Variants in WDFY1 observed in about 807,000 individuals in gnomAD.
WDFY1 encodes the protein WD repeat and FYVE domain-containing protein 1.
Under a neutral mutation model 56.4 loss-of-function variants are expected in WDFY1, and 32 were observed. The ratio of observed to expected loss-of-function variants is 0.57; its 90% CI spans 0.43 to 0.76. WDFY1 has a LOEUF of 0.76. WDFY1 is among the 30% of genes least tolerant of loss of function. The pLI is 0.00. For missense variants in WDFY1, 480 were observed against 545.7 expected (o/e 0.88, Z 1.20); for synonymous variants, 192 against 197.3 (o/e 0.97, Z 0.23).
rs2106066302 is a variant in WDFY1 at position 223,876,149 on chromosome 2, A to G, written c.*2522T>C. The G allele has an allele frequency of 6.5e-6, 1 of 152,672 alleles. No individual in the cohort carries two copies. The highest frequency in any genetic ancestry group is 6.5e-5 in the Admixed American group (1 of 15,274). The allele number at this position is 152,672 out of a possible 1,614,324, so 9.5% of individuals were successfully genotyped here. A position where few individuals can be genotyped will look rare whatever the true frequency, so the allele number is the denominator to read the frequency against. ...AACTTGTTTATAATGAAGAATCGGC[A>G]TTTCCTTACCACATATATACTAGAT... On this transcript the variant is annotated 3_prime_UTR_variant, in exon 12 of 12. Transcript: ENST00000233055.
intron 9 of WDFY1, among the ~76,000 whole-genome samples, chr2:223,883,543 C>T (rs897723537): frequency 1.2e-4 from 18 of 152,166 alleles, no homozygotes; most frequent in African/African-American, 4.3e-4. Context: ...TATTTCAGAG[C>T]TTTATAATGG....
chr2:223,922,438 ACT>A (rs915439231), intron 1 of WDFY1, among the ~76,000 whole-genome samples: 1 of 152,110 alleles, frequency 6.6e-6, no homozygotes, highest in Non-Finnish European at 1.5e-5. Flanking sequence ...CTAAGCATTA[ACT>A]CTGTTCAAGG....
chr2:223,940,032 T>C (rs1349703645), intron 1 of WDFY1, among the ~76,000 whole-genome samples: 1 of 152,202 alleles, frequency 6.6e-6, no homozygotes, highest in Non-Finnish European at 1.5e-5. Flanking sequence ...TGGACCCTAC[T>C]TTAAATGTAA....
chr2:223,891,151 G>A (rs949055970), intron 8 of WDFY1, among the ~76,000 whole-genome samples: 7 of 151,908 alleles, frequency 4.6e-5, no homozygotes, highest in Non-Finnish European at 8.8e-5. Context: ...TGAGGCGGGC[G>A]GATCACTTGA....
chr2:223,913,469 T>C (rs1217764397), intron 2 of WDFY1, among the ~76,000 whole-genome samples: 1 of 152,186 alleles, frequency 6.6e-6, no homozygotes, highest in Non-Finnish European at 1.5e-5. Flanking sequence ...ACAATTAGAA[T>C]TGACTATGAG....
chr2:223,889,534 T>C (rs1693231414), intron 8 of WDFY1, among the ~76,000 whole-genome samples: 1 of 152,172 alleles, frequency 6.6e-6, no homozygotes, highest in Non-Finnish European at 1.5e-5. Flanking sequence ...CAATATCTGA[T>C]GGTTTTACAA....
rs963257424 is a variant in WDFY1 at position 223,875,861 on chromosome 2, T to C, written c.*2810A>G. 3 of 152,136 alleles carry C rather than the reference T, an allele frequency of 2.0e-5. No homozygotes were observed. The highest frequency in any genetic ancestry group is 7.2e-5 in the African/African-American group (3 of 41,430). The allele number at this position is 152,136 out of a possible 1,614,324, so 9.4% of individuals were successfully genotyped here. On this transcript the variant is annotated 3_prime_UTR_variant, in exon 12 of 12. Coordinates refer to ENST00000233055, the MANE Select transcript of WDFY1 (RefSeq NM_020830.5). ...AACGAAAACTGATTTTAGAAAAATA[T>C]CTCCTTGGGTCTGAGCTACTATGGT...
intron 10 of WDFY1, among the ~76,000 whole-genome samples, chr2:223,880,829 AAAG>A (rs1353008763): frequency 6.6e-6 from 1 of 151,868 alleles, no homozygotes; most frequent in Admixed American, 6.6e-5. Flanking sequence ...CTTCAATATA[AAAG>A]AAGAACTGCA....
intron 1 of WDFY1, among the ~76,000 whole-genome samples, chr2:223,942,576 C>T (rs1209526345): frequency 3.9e-5 from 4 of 103,228 alleles, no homozygotes; most frequent in East Asian, 2.6e-4. Flanking sequence ...TCGCCCAGGC[C>T]GGACTGCGGA....
In WDFY1 at chr2:223,912,259, A is replaced by T. The variant is rs778944419; in HGVS notation, c.273T>A (p.Ala91=). Residue 91 remains alanine (A), a synonymous_variant, in exon 3 of 12, where the codon GCT becomes GCA. Coordinates refer to ENST00000233055, the MANE Select transcript of WDFY1 (RefSeq NM_020830.5). ...CATTCTAAAAGCTACCTACCATTAC[A>T]GCTCCATTATCCTGGCCCACAAATA... ...RRIFVGQDNG[A]VMEFHVSEDF... 6.2e-7 allele frequency: 1 copy of T among 1,609,332 alleles called. No homozygotes were observed. Among genetic ancestry groups the T allele is most frequent in the East Asian group, 2.2e-5 (1 of 44,778 alleles).
chr2:223,884,887 C>A (rs1426509699), intron 8 of WDFY1, 138 bp from the exon 9 acceptor site: 5 of 694,520 alleles, frequency 7.2e-6, no homozygotes, highest in Non-Finnish European at 1.2e-5. Context: ...GTCTCCCAGG[C>A]TGGAGTGCAG....
chr2:223,898,849 A>T (rs940216670), intron 6 of WDFY1, 109 bp downstream of exon 6: 2 of 819,266 alleles, frequency 2.4e-6, no homozygotes, highest in African/African-American at 3.4e-5. Flanking sequence ...ATCAAAATGA[A>T]ATCTGACAGA....
At chr2:223,880,604 C>T (rs1427660361) in intron 10 of WDFY1, among the ~76,000 whole-genome samples, 1 of 33,288 alleles carries the variant, frequency 3.0e-5, no homozygotes, top group African/African-American at 9.6e-5. Context: ...AAGACTCAGT[C>T]TCAAAAAAAA....
chr2:223,902,744 G>T (rs1225548604), intron 4 of WDFY1, among the ~76,000 whole-genome samples: 2 of 150,434 alleles, frequency 1.3e-5, no homozygotes, highest in African/African-American at 2.4e-5. Flanking sequence ...TAAGAAAACT[G>T]AAATGCAAAT....
At chr2:223,890,368 TGACC>T (rs1459527091) in intron 8 of WDFY1, among the ~76,000 whole-genome samples, 5 of 152,080 alleles carry the variant, frequency 3.3e-5, no homozygotes, top group Non-Finnish European at 1.5e-5. Context: ...GCTACTCAGG[TGACC>T]GAGGCACGAG....
intron 1 of WDFY1, among the ~76,000 whole-genome samples, chr2:223,942,066 A>C: frequency 6.6e-6 from 1 of 152,176 alleles, no homozygotes; most frequent in East Asian, 1.9e-4. Flanking sequence ...GAGCAGATGC[A>C]AGCTCCCCCA....
At chr2:223,928,443 G>C (rs1433841105) in intron 1 of WDFY1, among the ~76,000 whole-genome samples, 2 of 152,162 alleles carry the variant, frequency 1.3e-5, no homozygotes, top group Non-Finnish European at 2.9e-5. Flanking sequence ...GGCTCCTTGT[G>C]AGAACCCCAG....
intron 1 of WDFY1, among the ~76,000 whole-genome samples, chr2:223,925,742 T>C (rs1464066176): frequency 6.6e-6 from 1 of 152,238 alleles, no homozygotes; most frequent in Non-Finnish European, 1.5e-5. Context: ...TTATGGAATA[T>C]TCTAAATCTT....
At position 223,876,047 on chromosome 2, in the gene WDFY1, G is replaced by A. The variant is rs997185081; in HGVS notation, c.*2624C>T. 6.6e-6 allele frequency: 1 copy of A among 152,134 alleles called. No homozygotes were observed. Among genetic ancestry groups the A allele is most frequent in the Non-Finnish European group, 1.5e-5 (1 of 67,992 alleles). 9.4% of individuals were successfully genotyped at this position (152,134 alleles called of 1,614,324 possible). A position where few individuals can be genotyped will look rare whatever the true frequency, so the allele number is the denominator to read the frequency against. On this transcript the variant is annotated 3_prime_UTR_variant, in exon 12 of 12. Transcript: ENST00000233055. ...GCTAGGACATAGTAAAGAGATTTAC[G>A]ATGTAATGAATAATTTGTTTCTACC...
Sources: gnomAD v4.1 joint callset for allele counts (sites outside exome capture counted in the v4.1 genomes callset) on GRCh38, gnomAD v4.1.1 for gene constraint, MANE v1.5 for transcripts, NCBI Gene and HGNC (gene_info 2026-07-23, HGNC 2026-07-21) for gene names.